The following ZMIZ1 variants were observed in gnomAD, a reference collection of about 807,000 sequenced individuals.
The protein encoded by ZMIZ1 is zinc finger MIZ domain-containing protein 1.
ZMIZ1 carries 17 observed loss-of-function variants against 113.9 expected under a neutral mutation model. The ratio of observed to expected loss-of-function variants is 0.15; its 90% CI spans 0.10 to 0.22. The LOEUF (loss-of-function observed/expected upper bound fraction) is 0.22. ZMIZ1 is among the 10% of genes least tolerant of loss of function. The pLI, the probability that ZMIZ1 is intolerant of heterozygous loss-of-function variation, is 1.00. For synonymous variants in ZMIZ1, 607 were observed against 603.1 expected, an observed-to-expected ratio of 1.01 and a Z score of -0.09; for missense variants, 1,059 against 1,477.8, an observed-to-expected ratio of 0.72 and a Z score of 4.65.
At chr10:79,074,946 G>A (rs1017094316) in intron 1 of ZMIZ1, among the ~76,000 whole-genome samples, 5 of 152,266 alleles carry the variant, frequency 3.3e-5, no homozygotes, top group Non-Finnish European at 7.3e-5. Flanking sequence ...CTGCAGGATT[G>A]TGCTGGGGGA....
rs1179324580 is a variant in ZMIZ1, at chr10:79,069,349, G to A, written c.-337+79G>A. 1 of 150,524 alleles carries A rather than the reference G, an allele frequency of 6.6e-6. No individual in the cohort carries two copies. Among genetic ancestry groups the A allele is most frequent in the Non-Finnish European group, 1.5e-5 (1 of 67,478 alleles). The allele number at this position is 150,524 out of a possible 1,614,324, so 9.3% of individuals were successfully genotyped here. ...CCCCGGGGACTCTCGGGGTGCAAGC[G>A]TGGGGATTGGGTGCTGGGGTTTTTC... On this transcript the variant is annotated intron_variant, in intron 1 of 24. Coordinates refer to ENST00000334512, the MANE Select transcript of ZMIZ1 (RefSeq NM_020338.4). The surrounding 1 kb of genome is among the most constrained non-coding windows in gnomAD (Gnocchi z 4.6).
At chr10:79,182,232 A>G (rs1351865130) in intron 4 of ZMIZ1, among the ~76,000 whole-genome samples, 3 of 152,254 alleles carry the variant, frequency 2.0e-5, no homozygotes, top group Non-Finnish European at 4.4e-5. Context: ...TGAAAAAGAC[A>G]AAACTCAGAA....
intron 4 of ZMIZ1, among the ~76,000 whole-genome samples, chr10:79,177,846 G>A (rs1305844127): frequency 6.6e-6 from 1 of 152,188 alleles, no homozygotes; most frequent in African/African-American, 2.4e-5. Flanking sequence ...AAATAAAACT[G>A]CCCTGTAGTC....
chr10:79,249,226 C>T (rs1012500242), intron 7 of ZMIZ1, among the ~76,000 whole-genome samples: 2 of 152,226 alleles, frequency 1.3e-5, no homozygotes, highest in Admixed American at 1.3e-4. Flanking sequence ...CCACACCCAG[C>T]GTCCGGGGCC....
At chr10:79,310,646 C>T (rs971961244) in intron 23 of ZMIZ1, among the ~76,000 whole-genome samples, 1 of 152,058 alleles carries the variant, frequency 6.6e-6, no homozygotes, top group Non-Finnish European at 1.5e-5. Context: ...GGCCCAGCTC[C>T]CCGTGTCTGT....
At chr10:79,170,905 T>G (rs1374161532) in intron 4 of ZMIZ1, among the ~76,000 whole-genome samples, 3 of 152,140 alleles carry the variant, frequency 2.0e-5, no homozygotes, top group African/African-American at 7.2e-5. Flanking sequence ...CCCGCCAGGC[T>G]TAAGCCCTCA....
intron 7 of ZMIZ1, among the ~76,000 whole-genome samples, chr10:79,250,845 G>T (rs532077841): frequency 4.2e-4 from 64 of 152,138 alleles, no homozygotes; most frequent in Admixed American, 2.4e-3. Context: ...AGCTGGGGAA[G>T]GGTCCCAGGA....
At chr10:79,138,420 G>A (rs951182179) in intron 2 of ZMIZ1, among the ~76,000 whole-genome samples, 5 of 152,228 alleles carry the variant, frequency 3.3e-5, no homozygotes, top group African/African-American at 1.2e-4. Context: ...TGGGAAAGAC[G>A]CCATTTTGGG....
intron 7 of ZMIZ1, among the ~76,000 whole-genome samples, chr10:79,235,725 A>G (rs536475309): frequency 6.6e-6 from 1 of 152,022 alleles, no homozygotes; most frequent in African/African-American, 2.4e-5. Context: ...GGTAGGATGG[A>G]CCCATCCCAT....
At chr10:79,077,213 C>G (rs1402956604) in intron 1 of ZMIZ1, among the ~76,000 whole-genome samples, 1 of 152,110 alleles carries the variant, frequency 6.6e-6, no homozygotes, top group African/African-American at 2.4e-5. Context: ...CAAACTCCTA[C>G]CCCTACTCCC....
intron 6 of ZMIZ1, among the ~76,000 whole-genome samples, chr10:79,215,593 C>T (rs1419390679): frequency 6.6e-6 from 1 of 152,202 alleles, no homozygotes; most frequent in Admixed American, 6.5e-5. Flanking sequence ...GCCACCACAC[C>T]TGGCCTAAAT....
At position 79,293,673 on chromosome 10, in the gene ZMIZ1, C is replaced by T. The variant is rs1160882109; in HGVS notation, c.1230+20C>T. 10 of 1,613,022 alleles carry T rather than the reference C, an allele frequency of 6.2e-6. No homozygotes were observed. Among genetic ancestry groups the T allele is most frequent in the Non-Finnish European group, 8.5e-6 (10 of 1,179,998 alleles). On this transcript the variant is annotated intron_variant, in intron 12 of 24. Coordinates refer to ENST00000334512, the MANE Select transcript of ZMIZ1 (RefSeq NM_020338.4). ...GGAGAGGTGAGTGCAGCAGTGGGAG[C>T]CTGGGAGGTGGGAACTGGGACACCT... is the stretch of plus-strand genomic sequence containing the variant.
At chr10:79,279,126 G>A (rs2802365) in intron 8 of ZMIZ1, among the ~76,000 whole-genome samples, 47,634 of 149,890 alleles carry the variant, frequency 0.32, 7,922 homozygotes, top group East Asian at 0.45. Flanking sequence ...CCTCCCGGAC[G>A]GGGCGGCTGG....
chr10:79,287,645 ATCT>A (rs1853171309), intron 8 of ZMIZ1, among the ~76,000 whole-genome samples: 2 of 152,234 alleles, frequency 1.3e-5, no homozygotes, highest in Admixed American at 6.5e-5. Flanking sequence ...TCAAGGACTA[ATCT>A]TCATCTTTAT....
chr10:79,285,471 A>G, intron 8 of ZMIZ1: 3 of 456,066 alleles, frequency 6.6e-6, no homozygotes, highest in Non-Finnish European at 1.3e-5. Context: ...GCTGAGGCAT[A>G]CAGAGAGTGA....
intron 7 of ZMIZ1, among the ~76,000 whole-genome samples, chr10:79,223,524 C>T (rs1291190172): frequency 1.3e-5 from 2 of 152,256 alleles, no homozygotes; most frequent in African/African-American, 2.4e-5. Context: ...CTCTGGATTT[C>T]ATCACCCGGC....
At chr10:79,171,800 G>T (rs903803143) in intron 4 of ZMIZ1, among the ~76,000 whole-genome samples, 3 of 152,170 alleles carry the variant, frequency 2.0e-5, no homozygotes, top group Non-Finnish European at 4.4e-5. Context: ...TAGGGCTGGG[G>T]CAGGTGATAG....
chr10:79,074,888 C>T (rs1056725783), intron 1 of ZMIZ1, among the ~76,000 whole-genome samples: 1 of 152,258 alleles, frequency 6.6e-6, no homozygotes, highest in African/African-American at 2.4e-5. Flanking sequence ...ATGACTGTGG[C>T]TTGGGAGGGC....
intron 7 of ZMIZ1, among the ~76,000 whole-genome samples, chr10:79,273,079 A>G (rs2131955861): frequency 6.6e-6 from 1 of 152,188 alleles, no homozygotes; most frequent in South Asian, 2.1e-4. Context: ...GTGATGGGGG[A>G]GAGGGGATTT....
Sources: gnomAD v4.1 joint callset for allele counts (sites outside exome capture counted in the v4.1 genomes callset) on GRCh38, gnomAD v4.1.1 for gene constraint, Gnocchi (gnomAD v3.1) non-coding constraint, MANE v1.5 for transcripts, NCBI Gene and HGNC (gene_info 2026-07-23, HGNC 2026-07-21) for gene names.